RAI1: variants seen among roughly 807,000 people sequenced by gnomAD.
RAI1 encodes retinoic acid induced 1, also known as retinoic acid-induced protein 1.
RAI1 carries 9 observed loss-of-function variants against 123.8 expected under a neutral mutation model. The ratio of observed to expected loss-of-function variants is 0.07; its 90% CI spans 0.04 to 0.13. The LOEUF is 0.13. RAI1 is among the 10% of genes least tolerant of loss of function. The pLI is 1.00. For missense variants in RAI1, 2,256 were observed against 2,545.8 expected (o/e 0.89, Z 2.45); for synonymous variants, 1,231 against 1,127.3 (o/e 1.09, Z -1.84).
chr17:17,738,658 C>G (rs958473052), intron 2 of RAI1, among the ~76,000 whole-genome samples: 10 of 152,224 alleles, frequency 6.6e-5, no homozygotes, highest in African/African-American at 2.4e-4. Context: ...GTAAACGTAG[C>G]AACTGCCAGC....
chr17:17,709,068 C>T (rs577167357), intron 1 of RAI1, among the ~76,000 whole-genome samples: 40 of 152,312 alleles, frequency 2.6e-4, no homozygotes, highest in African/African-American at 8.9e-4. Context: ...GGAGAGGAGC[C>T]CATTCCAGGC....
Position 17,809,316 on chromosome 17 carries a change from T to A in RAI1, c.5660-74T>A. 1 of 1,357,584 alleles carries A rather than the reference T, an allele frequency of 7.4e-7. No homozygotes were observed. The highest frequency in any genetic ancestry group is 1.1e-6 in the Non-Finnish European group (1 of 946,940). 84.1% of individuals were successfully genotyped at this position (1,357,584 alleles called of 1,614,324 possible). A position where few individuals can be genotyped will look rare whatever the true frequency, so the allele number is the denominator to read the frequency against. On this transcript the variant is annotated intron_variant, in intron 4 of 5. Transcript: ENST00000353383. This position sits in a 1 kb window ranked among gnomAD's most constrained non-coding sequence, Gnocchi z 4.9. ...CTCGCGGGCAGTGCGGCTCCCCTCCTGGCTGCAGACAAAACCCCACAGCTG... is the reference window on the plus strand; with the variant it reads ...CTCGCGGGCAGTGCGGCTCCCCTCCAGGCTGCAGACAAAACCCCACAGCTG...
chr17:17,751,236 G>A (rs1490753123), intron 2 of RAI1, among the ~76,000 whole-genome samples: 1 of 152,176 alleles, frequency 6.6e-6, no homozygotes, highest in African/African-American at 2.4e-5. Flanking sequence ...CACGCTTCCC[G>A]AGGAGGTGAC....
rs1436471539 is a variant in RAI1, at chr17:17,801,779, C to T, written c.5566-1977C>T. 6.6e-6 allele frequency among the ~76,000 whole-genome samples: 1 copy of T among 152,194 alleles called. No individual in the cohort carries two copies. The highest frequency in any genetic ancestry group is 1.9e-4 in the East Asian group (1 of 5,198). ...GCGCCCACCCTGAGCATGTGGGGTC[C>T]TGTGGGCCCCTACTCCAGCCTGGAG... On this transcript the variant is annotated intron_variant, in intron 3 of 5. Transcript: ENST00000353383. This position sits in a 1 kb window ranked among gnomAD's most constrained non-coding sequence, Gnocchi z 4.1.
At chr17:17,689,582 A>G (rs1246974908) in intron 1 of RAI1, among the ~76,000 whole-genome samples, 2 of 152,156 alleles carry the variant, frequency 1.3e-5, no homozygotes, top group Non-Finnish European at 2.9e-5. Flanking sequence ...GGTACTGAGA[A>G]AACAGCCATG....
intron 1 of RAI1, among the ~76,000 whole-genome samples, chr17:17,711,325 T>G (rs1345474706): frequency 6.6e-6 from 1 of 152,214 alleles, no homozygotes. Context: ...CCCCGAGGCA[T>G]CTGGTGCACT....
At chr17:17,723,954 G>C (rs954801565) in intron 1 of RAI1, 74 bp from the exon 2 acceptor site, 8 of 145,204 alleles carry the variant, frequency 5.5e-5, no homozygotes, top group Non-Finnish European at 1.1e-4. Context: ...AGGGAAAGGA[G>C]CGAGCCTGGG....
chr17:17,810,002 A>G lies in RAI1; in HGVS notation c.*21A>G. 1 of 1,545,986 alleles carries G rather than the reference A, an allele frequency of 6.5e-7. No homozygotes were observed. Among genetic ancestry groups the G allele is most frequent in the South Asian group, 1.2e-5 (1 of 83,894 alleles). On this transcript the variant is annotated 3_prime_UTR_variant, in exon 6 of 6. Transcript: ENST00000353383. This position sits in a 1 kb window ranked among gnomAD's most constrained non-coding sequence, Gnocchi z 4.6. The stretch of plus-strand genomic sequence containing the variant: ...CGTAGTAATCCACCCCAACGGCCGG[A>G]GGAGCCGCCGGAGCCCGCCTGCCCG...
intron 1 of RAI1, among the ~76,000 whole-genome samples, chr17:17,704,430 G>A (rs1377344572): frequency 6.6e-6 from 1 of 152,080 alleles, no homozygotes; most frequent in East Asian, 1.9e-4. Flanking sequence ...TGGTCAGAAT[G>A]GCCCTCCATG....
At position 17,797,023 on chromosome 17, in the gene RAI1, C is replaced by T. The variant is rs2032284299; in HGVS notation, c.4075C>T (p.Pro1359Ser). ...PGASPGNPLSPSLSDKDRGLK... is the reference protein window; with the variant it reads ...PGASPGNPLSSSLSDKDRGLK... Reference sequence around the variant, plus strand: ...GGCCTCTCCTGGTAATCCTCTGAGCCCATCCCTTTCCGACAAAGACCGTGG... The same window carrying T: ...GGCCTCTCCTGGTAATCCTCTGAGCTCATCCCTTTCCGACAAAGACCGTGG... The change falls in exon 3 of 6, where the codon CCA becomes TCA. Residue 1359 changes from proline (P) to serine (S), a missense_variant. By Grantham distance (74) the Pro-to-Ser change is moderately conservative. Coordinates refer to ENST00000353383, the MANE Select transcript of RAI1 (RefSeq NM_030665.4). 6.2e-7 allele frequency: 1 copy of T among 1,613,766 alleles called. No individual in the cohort carries two copies. The highest frequency in any genetic ancestry group is 1.1e-5 in the South Asian group (1 of 91,088).
intron 2 of RAI1, among the ~76,000 whole-genome samples, chr17:17,729,996 C>T (rs562121577): frequency 3.3e-5 from 5 of 152,268 alleles, no homozygotes; most frequent in South Asian, 4.1e-4. Context: ...AACAGTATCA[C>T]GAGGCATCAG....
intron 2 of RAI1, among the ~76,000 whole-genome samples, chr17:17,786,844 T>C (rs1222890247): frequency 6.6e-6 from 1 of 152,080 alleles, no homozygotes; most frequent in Non-Finnish European, 1.5e-5. Flanking sequence ...GAGGCTGAGG[T>C]GGGCGGATCA....
rs139684843 is a variant in RAI1, at chr17:17,797,386, A to G, written c.4438A>G (p.Arg1480Gly). The G allele has an allele frequency of 5.8e-4, 940 of 1,612,860 alleles. 1 individual carries two copies. The highest frequency in any genetic ancestry group is 5.6e-4 in the Non-Finnish European group (656 of 1,179,818). Residue 1480 changes from arginine (R) to glycine (G), a missense_variant, in exon 3 of 6, where the codon AGG (arginine) becomes GGG (glycine). Coordinates refer to ENST00000353383, the MANE Select transcript of RAI1 (RefSeq NM_030665.4). ...GPALLLTPRD[R>G]ASGTQGASED... ...GGCTCTGCTCCTGACTCCCCGAGAC[A>G]GGGCCAGTGGCACACAAGGGGCCAG...
intron 2 of RAI1, chr17:17,778,966 C>G (rs1241109846): frequency 6.6e-6 from 3 of 452,478 alleles, no homozygotes; most frequent in South Asian, 4.7e-5. Context: ...GTATTCTGAA[C>G]CGCAGAAAGT....
intron 2 of RAI1, among the ~76,000 whole-genome samples, chr17:17,729,795 C>T (rs1916211737): frequency 6.6e-6 from 1 of 152,182 alleles, no homozygotes; most frequent in Non-Finnish European, 1.5e-5. Flanking sequence ...CATTTCAGTG[C>T]TTTCTAGGAG....
At chr17:17,706,208 T>C (rs1257226834) in intron 1 of RAI1, among the ~76,000 whole-genome samples, 1 of 151,622 alleles carries the variant, frequency 6.6e-6, no homozygotes, top group African/African-American at 2.4e-5. Flanking sequence ...TTTGCAGAGC[T>C]GGGGCGAGGG....
intron 2 of RAI1, among the ~76,000 whole-genome samples, chr17:17,766,545 A>C (rs1167898239): frequency 6.6e-6 from 1 of 152,122 alleles, no homozygotes; most frequent in Non-Finnish European, 1.5e-5. Context: ...CTGTCTGCCG[A>C]ACTCTGGGCG....
rs1361126319 is a variant in RAI1 at position 17,799,933 on chromosome 17, C to G, written c.5565+1420C>G. Among the ~76,000 whole-genome samples the G allele has an allele frequency of 6.6e-6, 1 of 152,214 alleles. No individual in the cohort carries two copies. Among genetic ancestry groups the G allele is most frequent in the Admixed American group, 6.5e-5 (1 of 15,288 alleles). ...CCACTGTGTTTGCCACCCACGCCTC[C>G]TAGTGTGTGTCTTGGGCACCTGCTT... On this transcript the variant is annotated intron_variant, in intron 3 of 5. Coordinates refer to ENST00000353383, the MANE Select transcript of RAI1 (RefSeq NM_030665.4). This position sits in a 1 kb window ranked among gnomAD's most constrained non-coding sequence, Gnocchi z 4.5.
intron 2 of RAI1, among the ~76,000 whole-genome samples, chr17:17,786,255 T>C (rs1308804109): frequency 6.6e-6 from 1 of 152,222 alleles, no homozygotes; most frequent in Admixed American, 6.5e-5. Flanking sequence ...TCCCGCTGCC[T>C]GGCCCACCCA....
Sources: allele counts gnomAD v4.1 joint callset (sites outside exome capture counted in the v4.1 genomes callset), GRCh38; gene constraint gnomAD v4.1.1; non-coding constraint Gnocchi (gnomAD v3.1); transcripts MANE v1.5; gene names NCBI Gene and HGNC (gene_info 2026-07-23, HGNC 2026-07-21).